ZFAT: variants seen among roughly 807,000 people sequenced by gnomAD.
The protein encoded by ZFAT is zinc finger and AT-hook domain containing, also known as zinc finger protein ZFAT.
A neutral mutation model predicts 117.7 loss-of-function variants in ZFAT; 64 were observed. That is an observed-to-expected ratio of 0.54 (90% CI 0.44 to 0.67). ZFAT has a LOEUF of 0.67. Among genes scored for constraint, ZFAT ranks in the 30% least tolerant of loss-of-function variants. ZFAT has a pLI of 0.00. For missense variants in ZFAT, 1,433 were observed against 1,584.5 expected (o/e 0.90, Z 1.62); for synonymous variants, 679 against 615.0 (o/e 1.10, Z -1.54).
chr8:134,753,922 C>T, the ZFAT span, among the ~76,000 whole-genome samples: 1 of 152,180 alleles, frequency 6.6e-6, no homozygotes, highest in Non-Finnish European at 1.5e-5. Context: ...CAACCAGTCC[C>T]GCACAAGGTA....
At position 134,588,364 on chromosome 8, in the gene ZFAT, G is replaced by A. The variant is rs747659475; in HGVS notation, c.2595C>T (p.Leu865=). The change falls in exon 9 of 16, where the codon CTC becomes CTT. Residue 865 remains leucine (L), a synonymous_variant. Transcript: ENST00000377838. ...EVSMSTISEV[L]GRRVQLKGLI... ...GCCCTTTCAGCTGAACCCTCCTCCCGAGAACCTCAGAAATGGTGCTCATGG... is the reference window on the plus strand; with the variant it reads ...GCCCTTTCAGCTGAACCCTCCTCCCAAGAACCTCAGAAATGGTGCTCATGG... 4.3e-5 allele frequency: 69 copies of A among 1,592,700 alleles called. No individual in the cohort carries two copies. The highest frequency in any genetic ancestry group is 3.3e-4 in the Middle Eastern group (2 of 6,054).
chr8:134,625,948 C>A (rs1350238039), intron 3 of ZFAT, among the ~76,000 whole-genome samples: 1 of 152,218 alleles, frequency 6.6e-6, no homozygotes, highest in East Asian at 1.9e-4. Context: ...CTTCAGAGAG[C>A]AACTGTAGGA....
At chr8:134,551,865 C>A (rs548631790) in intron 11 of ZFAT, among the ~76,000 whole-genome samples, 12 of 152,216 alleles carry the variant, frequency 7.9e-5, no homozygotes, top group Middle Eastern at 6.8e-3. Flanking sequence ...ATTATAAAGG[C>A]CTTCAGGACT....
chr8:134,527,446 GA>G (rs762560334), intron 12 of ZFAT, among the ~76,000 whole-genome samples: 1 of 152,186 alleles, frequency 6.6e-6, no homozygotes, highest in Non-Finnish European at 1.5e-5. Flanking sequence ...ATTATCCAAG[GA>G]AAGTGGATAT....
Position 134,703,072 on chromosome 8 carries a change from C to G in ZFAT, c.19+9773G>C, listed in dbSNP as rs577035621. Among the ~76,000 whole-genome samples, 42 of 152,332 alleles carry G rather than the reference C, an allele frequency of 2.8e-4. 1 individual carries two copies. In the South Asian group the frequency reaches 7.5e-3, roughly 27 times the overall value. ...AGTGTACCTTCAACATTGTAAGAAG[C>G]CAGCAAACTATTTTCCAAAGTAGCT... On this transcript the variant is annotated intron_variant, in intron 1 of 15. Transcript: ENST00000377838.
At chr8:134,726,935 C>G in the ZFAT span, among the ~76,000 whole-genome samples, 3 of 152,086 alleles carry the variant, frequency 2.0e-5, no homozygotes, top group Non-Finnish European at 4.4e-5. Context: ...GACTGCCTTT[C>G]CCTGGCACTG....
chr8:134,832,257 C>T, the ZFAT span, among the ~76,000 whole-genome samples: 1 of 151,790 alleles, frequency 6.6e-6, no homozygotes, highest in South Asian at 2.1e-4. Context: ...TCCGGTCTCT[C>T]TGCTCCCTCG....
chr8:134,580,588 T>C (rs1287184734), intron 10 of ZFAT, among the ~76,000 whole-genome samples: 1 of 152,182 alleles, frequency 6.6e-6, no homozygotes. Flanking sequence ...CATAAAAAAA[T>C]TAACTTTATT....
At chr8:134,731,582 A>G in the ZFAT span, among the ~76,000 whole-genome samples, 1 of 152,262 alleles carries the variant, frequency 6.6e-6, no homozygotes, top group Non-Finnish European at 1.5e-5. Context: ...CTTAATTTAC[A>G]AAAGCAGATG....
chr8:134,820,851 A>G, the ZFAT span, among the ~76,000 whole-genome samples: 3 of 152,226 alleles, frequency 2.0e-5, no homozygotes, highest in African/African-American at 7.2e-5. Context: ...AATTGGTAGT[A>G]TTTATACACC....
rs768580861 is a variant in ZFAT at position 134,601,579 on chromosome 8, C to T, written c.2140G>A (p.Ala714Thr). ...AAACTGTTCAGGACCTTCATGAAAG[C>T]GGTGATGCCTGACCGGTGCTCAGGG... The part of the protein sequence containing the change: ...AAPEHRSGIT[A>T]FMKVLNSLQK... Residue 714 changes from alanine (A) to threonine (T), a missense_variant, in exon 6 of 16, where the codon GCT becomes ACT. Ala to Thr is a moderately conservative substitution (Grantham distance 58). Coordinates refer to ENST00000377838, the MANE Select transcript of ZFAT (RefSeq NM_020863.4). The T allele has an allele frequency of 4.1e-5, 66 of 1,614,088 alleles. No homozygotes were observed. Among genetic ancestry groups the T allele is most frequent in the Non-Finnish European group, 5.0e-5 (59 of 1,180,052 alleles).
chr8:134,564,716 C>A (rs946129863), intron 11 of ZFAT, among the ~76,000 whole-genome samples: 2 of 152,166 alleles, frequency 1.3e-5, no homozygotes, highest in Non-Finnish European at 2.9e-5. Context: ...GTCAAGTTTC[C>A]CCAAGTGCTG....
chr8:134,644,223 G>C (rs1330152482), intron 2 of ZFAT, among the ~76,000 whole-genome samples: 1 of 152,112 alleles, frequency 6.6e-6, no homozygotes, highest in African/African-American at 2.4e-5. Context: ...CAGACATACA[G>C]CAGGCACCCA....
At chr8:134,640,468 A>G (rs1210200025) in intron 2 of ZFAT, among the ~76,000 whole-genome samples, 1 of 152,214 alleles carries the variant, frequency 6.6e-6, no homozygotes, top group African/African-American at 2.4e-5. Context: ...GCTGGAGCAC[A>G]GCACAGCGTG....
chr8:134,681,205 T>C (rs1210161835), intron 1 of ZFAT, among the ~76,000 whole-genome samples: 1 of 152,176 alleles, frequency 6.6e-6, no homozygotes, highest in Non-Finnish European at 1.5e-5. Context: ...AGGCTGGCTA[T>C]GGACCCCACA....
intron 7 of ZFAT, among the ~76,000 whole-genome samples, chr8:134,591,086 A>G (rs1016509467): frequency 6.6e-6 from 1 of 152,120 alleles, no homozygotes; most frequent in African/African-American, 2.4e-5. Context: ...TCTACCACAC[A>G]CACCAGTGCT....
intron 15 of ZFAT, among the ~76,000 whole-genome samples, chr8:134,498,317 G>C (rs1818664919): frequency 6.6e-6 from 1 of 150,736 alleles, no homozygotes; most frequent in African/African-American, 2.5e-5. Flanking sequence ...GATTTTGTAG[G>C]GTTGGGGTGG....
At chr8:134,601,430 CATG>C in intron 6 of ZFAT, 44 bp downstream of exon 6, 1 of 1,552,126 alleles carries the variant, frequency 6.4e-7, no homozygotes, top group Non-Finnish European at 8.7e-7. Context: ...GTGACCACAG[CATG>C]ATGGTTGTGG....
the ZFAT span, among the ~76,000 whole-genome samples, chr8:134,830,196 C>T: frequency 1.3e-5 from 2 of 152,132 alleles, no homozygotes; most frequent in African/African-American, 4.8e-5. Context: ...GAGAGAAAAA[C>T]ATAAAAATTT....
Sources: gnomAD v4.1 joint callset for allele counts (sites outside exome capture counted in the v4.1 genomes callset) on GRCh38, gnomAD v4.1.1 for gene constraint, MANE v1.5 for transcripts, NCBI Gene and HGNC (gene_info 2026-07-23, HGNC 2026-07-21) for gene names.